The following FREM3 variants were observed in gnomAD, a reference collection of about 807,000 sequenced individuals.
FREM3 encodes the protein FRAS1-related extracellular matrix protein 3.
FREM3 carries 105 observed loss-of-function variants against 129.1 expected under a neutral mutation model. The ratio of observed to expected loss-of-function variants is 0.81; its 90% CI spans 0.69 to 0.96. The LOEUF is 0.96. Among genes scored for constraint, FREM3 ranks in the 40% least tolerant of loss-of-function variants. The pLI is 0.00. For missense variants in FREM3, 2,593 were observed against 2,666.3 expected (o/e 0.97, Z 0.61); for synonymous variants, 1,014 against 1,044.9 (o/e 0.97, Z 0.57).
intron 2 of FREM3, among the ~76,000 whole-genome samples, chr4:143,651,697 C>T (rs1739513438): frequency 6.6e-6 from 1 of 152,164 alleles, no homozygotes; most frequent in African/African-American, 2.4e-5. Flanking sequence ...AACACACTCC[C>T]ATATTAGTTG....
chr4:143,579,050 CT>C (rs1738088759), intron 7 of FREM3, among the ~76,000 whole-genome samples: 1 of 148,638 alleles, frequency 6.7e-6, no homozygotes, highest in Non-Finnish European at 1.5e-5. Flanking sequence ...CAAACTTAAA[CT>C]CAAGAGTTGA....
Position 143,697,313 on chromosome 4 carries a change from A to T in FREM3, c.3363T>A (p.Ile1121=), listed in dbSNP as rs572299307. The change falls in exon 1 of 8, where the codon ATT becomes ATA. Residue 1121 remains isoleucine (I), a synonymous_variant. Transcript: ENST00000329798. ...SQPASGYLEK[I]ASAPGSKMSQ... ...ACATTTTTGAACCAGGAGCTGATGC[A>T]ATCTTTTCCAGGTAGCCAGAGGCTG... 29 of 1,537,240 alleles carry T rather than the reference A, an allele frequency of 1.9e-5. No homozygotes were observed. The African/African-American group carries it at 3.7e-4, about 20-fold the overall frequency.
In FREM3 at chr4:143,602,418, G is replaced by A. The variant is rs554996477; in HGVS notation, c.6028+8861C>T. Among the ~76,000 whole-genome samples, 86 of 152,238 alleles carry A rather than the reference G, an allele frequency of 5.6e-4. 1 individual carries two copies. The highest frequency in any genetic ancestry group is 1.9e-3 in the African/African-American group (80 of 41,556). ...CCAAAATAAAATGATACCATTCAAA[G>A]GGATCATTAGAGTCACGAGTGGCAA... On this transcript the variant is annotated intron_variant, in intron 6 of 7. Transcript: ENST00000329798.
intron 6 of FREM3, among the ~76,000 whole-genome samples, chr4:143,607,179 T>C (rs942608426): frequency 1.3e-5 from 2 of 152,182 alleles, no homozygotes; most frequent in African/African-American, 4.8e-5. Context: ...ATGAGGCTAA[T>C]TCGCAATCCC....
chr4:143,698,030 T>A lies in FREM3; in HGVS notation c.2646A>T (p.Arg882Ser), dbSNP rs374930253. 6.5e-7 allele frequency: 1 copy of A among 1,537,324 alleles called. No individual in the cohort carries two copies. The highest frequency in any genetic ancestry group is 1.4e-5 in the African/African-American group (1 of 73,144). Residue 882 changes from arginine (R) to serine (S), a missense_variant, in exon 1 of 8, where the codon AGA becomes AGT. By Grantham distance (110) the Arg-to-Ser change is moderately radical. This residue lies in a region of FREM3 where 2,276 missense variants were observed against 2,267.2 expected (regional missense o/e 1.00). Transcript: ENST00000329798. ...PQHGHLQYFK[R>S]CMVPGESFMQ... is the part of the protein sequence containing the mutation. Reference sequence around the variant, plus strand: ...TGAAAGATTCCCCTGGGACCATACATCTTTTAAAGTACTGCAAGTGTCCAT... The same window carrying A: ...TGAAAGATTCCCCTGGGACCATACAACTTTTAAAGTACTGCAAGTGTCCAT...
Position 143,695,798 on chromosome 4 carries a change from G to A in FREM3, c.4878C>T (p.Asp1626=), listed in dbSNP as rs997227800. ...GGACATAGAAATCAGTGTGAGTGCC[G>A]TCTGTCACAGTCAAGGAGAAACTAT... is the stretch of plus-strand genomic sequence containing the variant. The part of the protein sequence containing the change: ...TEDSFSLTVT[D]GTHTDFYVLP... Residue 1626 remains aspartate, a synonymous_variant, in exon 1 of 8, where the codon GAC becomes GAT. Coordinates refer to ENST00000329798, the MANE Select transcript of FREM3 (RefSeq NM_001168235.2). 2.6e-5 allele frequency: 40 copies of A among 1,537,144 alleles called. No individual in the cohort carries two copies. The highest frequency in any genetic ancestry group is 9.5e-5 in the South Asian group (8 of 84,052).
chr4:143,697,014 G>A lies in FREM3; in HGVS notation c.3662C>T (p.Ala1221Val), dbSNP rs1263956643. ...GTGGAGCTCATTTGGTGGCAGGTCAGCATCTGCTCCATTAAGCAGCTGGGT... is the reference window on the plus strand; with the variant it reads ...GTGGAGCTCATTTGGTGGCAGGTCAACATCTGCTCCATTAAGCAGCTGGGT... ...IDTQLLNGAD[A>V]DLPPNELHFQ... Residue 1221 changes from alanine (A) to valine (V), a missense_variant, in exon 1 of 8, where the codon GCT becomes GTT. Physicochemically the swap from Ala to Val is moderately conservative, Grantham distance 64. Transcript: ENST00000329798. 3 of 1,537,584 alleles carry A rather than the reference G, an allele frequency of 2.0e-6. No homozygotes were observed. Among genetic ancestry groups the A allele is most frequent in the Admixed American group, 2.0e-5 (1 of 51,012 alleles).
chr4:143,697,901 A>G lies in FREM3; in HGVS notation c.2775T>C (p.His925=). ...CAGAAATTGGGATGGTGATGGGTAT[A>G]TGGTGCACCCCATCACTTACTTCCA... is the stretch of plus-strand genomic sequence containing the variant. ...FHLEVSDGVH[H]IPITIPISVH... is the part of the protein sequence containing the mutation. The change falls in exon 1 of 8, where the codon CAT becomes CAC. Residue 925 remains histidine (H), a synonymous_variant. Transcript: ENST00000329798. 3 of 1,537,924 alleles carry G rather than the reference A, an allele frequency of 2.0e-6. No individual in the cohort carries two copies. Among genetic ancestry groups the G allele is most frequent in the Non-Finnish European group, 2.6e-6 (3 of 1,147,058 alleles).
intron 5 of FREM3, among the ~76,000 whole-genome samples, 160 bp downstream of exon 5, chr4:143,620,877 A>G (rs1578837960): frequency 6.6e-6 from 1 of 152,276 alleles, no homozygotes; most frequent in East Asian, 1.9e-4. Flanking sequence ...ACCTGCACAG[A>G]GTCAGGAAAG....
chr4:143,583,428 G>T (rs991334143), intron 7 of FREM3, among the ~76,000 whole-genome samples: 1 of 151,990 alleles, frequency 6.6e-6, no homozygotes. Context: ...TCACTAGAGA[G>T]GCCAAAATTC....
chr4:143,663,094 A>G (rs1739771097), intron 2 of FREM3, among the ~76,000 whole-genome samples: 2 of 151,980 alleles, frequency 1.3e-5, no homozygotes, highest in South Asian at 4.2e-4. Flanking sequence ...TTTAAAGTTA[A>G]TATTGTTATG....
intron 2 of FREM3, among the ~76,000 whole-genome samples, chr4:143,637,527 C>T (rs1201156560): frequency 6.6e-6 from 1 of 152,084 alleles, no homozygotes. Flanking sequence ...TAATTCACTT[C>T]TATTTATTCA....
chr4:143,581,495 G>T (rs1355949515), intron 7 of FREM3, among the ~76,000 whole-genome samples: 2 of 152,156 alleles, frequency 1.3e-5, no homozygotes, highest in African/African-American at 4.8e-5. Flanking sequence ...CAGTTGCCCT[G>T]CCCCTGGCTG....
intron 6 of FREM3, among the ~76,000 whole-genome samples, chr4:143,587,655 C>G (rs11938298): frequency 0.71 from 107,748 of 152,022 alleles, 40,211 homozygotes; most frequent in Non-Finnish European, 0.83. Flanking sequence ...GCAGGAGTAG[C>G]AGGAAAGTTC....
intron 2 of FREM3, among the ~76,000 whole-genome samples, chr4:143,681,513 T>C (rs1740249478): frequency 6.6e-6 from 1 of 152,170 alleles, no homozygotes; most frequent in African/African-American, 2.4e-5. Context: ...ATTCTGCCAG[T>C]GGCTTTCATA....
intron 5 of FREM3, among the ~76,000 whole-genome samples, chr4:143,613,873 T>C (rs1738801095): frequency 6.6e-6 from 1 of 152,216 alleles, no homozygotes; most frequent in African/African-American, 2.4e-5. Context: ...TCACTAAATA[T>C]AACTATCTGT....
intron 2 of FREM3, among the ~76,000 whole-genome samples, chr4:143,649,960 G>A (rs984780163): frequency 2.6e-5 from 4 of 152,150 alleles, no homozygotes; most frequent in Non-Finnish European, 5.9e-5. Flanking sequence ...GTTTGGGTTT[G>A]GCAAAACAGG....
rs188813179 is a variant in FREM3 at position 143,699,040 on chromosome 4, C to A, written c.1636G>T (p.Val546Phe). 6,770 of 1,537,322 alleles carry A rather than the reference C, an allele frequency of 4.4e-3. 24 individuals are homozygous for A. The highest frequency in any genetic ancestry group is 5.1e-3 in the Non-Finnish European group (5,901 of 1,146,922). Residue 546 changes from valine (V) to phenylalanine (F), a missense_variant, in exon 1 of 8, where the codon GTC becomes TTC. By Grantham distance (50) the Val-to-Phe change is conservative. Transcript: ENST00000329798. This position sits in a 1 kb window ranked among gnomAD's most constrained non-coding sequence, Gnocchi z 4.2. ...AGTGAGAGTCCTGTGTTAGTATTGACCATTGGTGGTTCATCATCCACAGGT... is the reference window on the plus strand; with the variant it reads ...AGTGAGAGTCCTGTGTTAGTATTGAACATTGGTGGTTCATCATCCACAGGT... ...ILPVDDEPPMVNTNTGLSLTE... is the reference protein window; with the variant it reads ...ILPVDDEPPMFNTNTGLSLTE...
At chr4:143,663,620 G>T (rs1013931358) in intron 2 of FREM3, among the ~76,000 whole-genome samples, 2 of 152,050 alleles carry the variant, frequency 1.3e-5, no homozygotes, top group East Asian at 1.9e-4. Flanking sequence ...TCCTGAATCT[G>T]AATGCTGGCC....
Sources: allele counts gnomAD v4.1 joint callset (sites outside exome capture counted in the v4.1 genomes callset), GRCh38; gene constraint gnomAD v4.1.1; regional missense constraint gnomAD v4.1.1; non-coding constraint Gnocchi (gnomAD v3.1); transcripts MANE v1.5; gene names NCBI Gene and HGNC (gene_info 2026-07-23, HGNC 2026-07-21).